DTWD2: variants seen among roughly 807,000 people sequenced by gnomAD.
The protein encoded by DTWD2 is tRNA-uridine aminocarboxypropyltransferase 2.
Under a neutral mutation model 31.8 loss-of-function variants are expected in DTWD2, and 39 were observed. The ratio of observed to expected loss-of-function variants is 1.22; its 90% CI spans 0.95 to 1.60. DTWD2 has a LOEUF of 1.60. DTWD2 is among the 40% of genes most tolerant of loss of function. DTWD2 has a pLI of 0.00. For synonymous variants in DTWD2, 180 were observed against 142.8 expected, an observed-to-expected ratio of 1.26 and a Z score of -1.86; for missense variants, 515 against 381.5, an observed-to-expected ratio of 1.35 and a Z score of -2.92.
chr5:118,880,937 T>A (rs1346731749), intron 4 of DTWD2, among the ~76,000 whole-genome samples: 1 of 152,154 alleles, frequency 6.6e-6, no homozygotes, highest in African/African-American at 2.4e-5. Flanking sequence ...TTCAATCACC[T>A]TAAAGCTCTA....
intron 1 of DTWD2, among the ~76,000 whole-genome samples, chr5:118,952,960 T>G (rs1443746988): frequency 6.6e-6 from 1 of 152,212 alleles, no homozygotes; most frequent in Non-Finnish European, 1.5e-5. Flanking sequence ...TATGACAAAA[T>G]TTTGTTTTCA....
chr5:118,869,553 G>C (rs2149548855), intron 4 of DTWD2, among the ~76,000 whole-genome samples: 1 of 152,224 alleles, frequency 6.6e-6, no homozygotes, highest in African/African-American at 2.4e-5. Context: ...AAAAACAAGA[G>C]CTGCTCTCTT....
At chr5:118,855,241 A>T (rs1752103923) in intron 4 of DTWD2, among the ~76,000 whole-genome samples, 1 of 142,720 alleles carries the variant, frequency 7.0e-6, no homozygotes, top group African/African-American at 2.6e-5. Flanking sequence ...AAGTTGCGGT[A>T]AAACTTTTTA....
chr5:118,876,088 C>A (rs1752615863), intron 4 of DTWD2, among the ~76,000 whole-genome samples: 1 of 152,114 alleles, frequency 6.6e-6, no homozygotes, highest in African/African-American at 2.4e-5. Context: ...AATTAAATAA[C>A]CTGCTCCTGA....
intron 1 of DTWD2, among the ~76,000 whole-genome samples, chr5:118,962,799 T>C (rs79803023): frequency 0.02 from 3,070 of 152,308 alleles, 103 homozygotes; most frequent in African/African-American, 0.069. Flanking sequence ...AACTTAAAGA[T>C]GATGAAACTA....
intron 4 of DTWD2, among the ~76,000 whole-genome samples, chr5:118,912,165 T>G (rs1006538829): frequency 5.9e-5 from 9 of 152,210 alleles, no homozygotes; most frequent in African/African-American, 2.2e-4. Context: ...TCACTCTGAT[T>G]AAATGTAATT....
chr5:118,944,977 A>G (rs1206793070), intron 1 of DTWD2, among the ~76,000 whole-genome samples: 3 of 152,212 alleles, frequency 2.0e-5, no homozygotes, highest in East Asian at 1.9e-4. Flanking sequence ...TTCCAAATCA[A>G]AAAGAGATCT....
At chr5:118,858,879 A>G (rs1445732927) in intron 4 of DTWD2, among the ~76,000 whole-genome samples, 1 of 152,200 alleles carries the variant, frequency 6.6e-6, no homozygotes, top group Non-Finnish European at 1.5e-5. Context: ...CATTGCAGTT[A>G]GCTGTTAGGT....
chr5:118,841,118 A>G lies in DTWD2; in HGVS notation c.727-31T>C, dbSNP rs779459865. ...AAGAGAAAAAAGACACTAAAAAAGT[A>G]TCTGTGACAAATCATGATATTCTAT... On this transcript the variant is annotated intron_variant, in intron 5 of 5. Transcript: ENST00000510708. 42 of 1,576,412 alleles carry G rather than the reference A, an allele frequency of 2.7e-5. 1 individual carries two copies. In the South Asian group the frequency reaches 4.7e-4, roughly 18 times the overall value.
At chr5:118,951,332 C>A (rs1399789137) in intron 1 of DTWD2, among the ~76,000 whole-genome samples, 2 of 151,988 alleles carry the variant, frequency 1.3e-5, no homozygotes, top group Non-Finnish European at 2.9e-5. Context: ...TCATATAGGT[C>A]TGTAGAAAAG....
intron 4 of DTWD2, among the ~76,000 whole-genome samples, chr5:118,883,290 T>C (rs1231478422): frequency 6.6e-6 from 1 of 152,174 alleles, no homozygotes; most frequent in Non-Finnish European, 1.5e-5. Flanking sequence ...GTCTATTTCA[T>C]TACCAGCATT....
chr5:118,937,039 A>G (rs1286767266), intron 3 of DTWD2, among the ~76,000 whole-genome samples: 1 of 152,180 alleles, frequency 6.6e-6, no homozygotes, highest in East Asian at 1.9e-4. Flanking sequence ...ACAAAAATAA[A>G]TGGAAAATAT....
chr5:118,958,057 A>G (rs573197403), intron 1 of DTWD2, among the ~76,000 whole-genome samples: 87 of 152,304 alleles, frequency 5.7e-4, no homozygotes, highest in Middle Eastern at 3.4e-3. Context: ...TGTAATCAAA[A>G]TAATTATATC....
rs1201652346 is a variant in DTWD2, at chr5:118,836,166, TA to T, written c.*4750del. On this transcript the variant is annotated 3_prime_UTR_variant, in exon 6 of 6. Coordinates refer to ENST00000510708, the MANE Select transcript of DTWD2 (RefSeq NM_173666.4). ...AAATTTCTTATTCGAATAATTTTTT[TA>T]AAAAACCTTACATTAAAAAGTTTCT... is the stretch of plus-strand genomic sequence containing the variant. Among the ~76,000 whole-genome samples, 1 of 152,188 alleles carries T rather than the reference TA, an allele frequency of 6.6e-6. No individual in the cohort carries two copies. The highest frequency in any genetic ancestry group is 1.5e-5 in the Non-Finnish European group (1 of 68,032).
In DTWD2 at chr5:118,865,995, CGT is replaced by C. The variant is rs3068505; in HGVS notation, c.598-17779_598-17778del. Among the ~76,000 whole-genome samples, 689 of 146,314 alleles carry C rather than the reference CGT, an allele frequency of 4.7e-3. 3 individuals carry two copies. Among genetic ancestry groups the C allele is most frequent in the African/African-American group, 0.01 (407 of 40,186 alleles). ...GGTCTAAAAGAGGTACGTGTGTCTGCGTGTGTGTGTGTGTGTGTGTGTGTCTG... is the reference window on the plus strand; with the variant it reads ...GGTCTAAAAGAGGTACGTGTGTCTGCGTGTGTGTGTGTGTGTGTGTGTCTG... On this transcript the variant is annotated intron_variant, in intron 4 of 5. Coordinates refer to ENST00000510708, the MANE Select transcript of DTWD2 (RefSeq NM_173666.4).
chr5:118,939,197 T>C lies in DTWD2; in HGVS notation c.403A>G (p.Arg135Gly). ...VKIGRRFSEE[R>G]DPELSTVCRK... ...ACATTGCCCTAACAGTTAATTTACC[T>C]TTCTTCACTGAAGCGACGACCGATC... is the stretch of plus-strand genomic sequence containing the variant. Residue 135 changes from arginine to glycine, a missense_variant and splice_region_variant, in exon 3 of 6, where the codon AGA becomes GGA. By Grantham distance (125) the Arg-to-Gly change is moderately radical (BLOSUM62 -2). Coordinates refer to ENST00000510708, the MANE Select transcript of DTWD2 (RefSeq NM_173666.4). 6.2e-7 allele frequency: 1 copy of C among 1,600,928 alleles called. No homozygotes were observed. The highest frequency in any genetic ancestry group is 1.1e-5 in the South Asian group (1 of 88,658).
At chr5:118,857,303 T>C (rs1398124491) in intron 4 of DTWD2, among the ~76,000 whole-genome samples, 3 of 152,218 alleles carry the variant, frequency 2.0e-5, no homozygotes, top group African/African-American at 7.2e-5. Flanking sequence ...TACATACGTA[T>C]ACATACATAA....
chr5:118,851,330 G>C (rs1166354388), intron 4 of DTWD2, among the ~76,000 whole-genome samples: 1 of 151,500 alleles, frequency 6.6e-6, no homozygotes, highest in Non-Finnish European at 1.5e-5. Flanking sequence ...GAGAAATAAA[G>C]AGAAAGAGTA....
At chr5:118,853,843 C>A (rs1752069612) in intron 4 of DTWD2, among the ~76,000 whole-genome samples, 1 of 152,136 alleles carries the variant, frequency 6.6e-6, no homozygotes, top group Admixed American at 6.5e-5. Flanking sequence ...CAAACCTGCA[C>A]ATGTACCCTC....
Sources: allele counts gnomAD v4.1 joint callset (sites outside exome capture counted in the v4.1 genomes callset), GRCh38; gene constraint gnomAD v4.1.1; transcripts MANE v1.5; gene names NCBI Gene and HGNC (gene_info 2026-07-23, HGNC 2026-07-21).